The following ABCB10 variants were observed in gnomAD, a reference collection of about 807,000 sequenced individuals.
The protein encoded by ABCB10 is ATP-binding cassette sub-family B member 10, mitochondrial.
In ABCB10, 54 loss-of-function variants were observed where a neutral mutation model predicts 65.4. The ratio of observed to expected loss-of-function variants is 0.83; its 90% CI spans 0.66 to 1.04. The LOEUF is 1.04. ABCB10 is among the 50% of genes least tolerant of loss of function. ABCB10 has a pLI of 0.00. For missense variants in ABCB10, 846 were observed against 976.6 expected (o/e 0.87, Z 1.78); for synonymous variants, 418 against 406.5 (o/e 1.03, Z -0.34).
intron 3 of ABCB10, among the ~76,000 whole-genome samples, chr1:229,545,670 G>A (rs1662949255): frequency 6.6e-6 from 1 of 152,180 alleles, no homozygotes; most frequent in South Asian, 2.1e-4. Flanking sequence ...TACTTTCAAT[G>A]AAAATTTAGC....
rs1259903755 is a variant in ABCB10 at position 229,558,264 on chromosome 1, TC to T, written c.388del (p.Asp130ThrfsTer82). 7.8e-7 allele frequency: 1 copy of T among 1,274,510 alleles called. No homozygotes were observed. Among genetic ancestry groups the T allele is most frequent in the Non-Finnish European group, 9.9e-7 (1 of 1,014,398 alleles). 79.0% of individuals were successfully genotyped at this position (1,274,510 alleles called of 1,614,324 possible). ...CGCCGGCCCGCGCCGCCAGGCCTCG[TC>T]CCCTGCCCAGGCAGCGGCTGCGGGA... ...GGPAAAAWAG[D>X]EAWRRGPAAP... On this transcript the variant is annotated frameshift_variant, in exon 1 of 13. Coordinates refer to ENST00000344517, the MANE Select transcript of ABCB10 (RefSeq NM_012089.3). LOFTEE classifies it high-confidence loss of function.
Position 229,558,328 on chromosome 1 carries a change from C to G in ABCB10, c.325G>C (p.Gly109Arg), listed in dbSNP as rs1663313995. 3 of 1,254,462 alleles carry G rather than the reference C, an allele frequency of 2.4e-6. No homozygotes were observed. Among genetic ancestry groups the G allele is most frequent in the Non-Finnish European group, 3.0e-6 (3 of 990,936 alleles). The allele number at this position is 1,254,462 out of a possible 1,614,324, so 77.7% of individuals were successfully genotyped here. The change falls in exon 1 of 13, where the codon GGC (glycine) becomes CGC (arginine). Residue 109 changes from glycine to arginine, a missense_variant. Around this residue, in one of 2 missense-constraint regions of ABCB10, gnomAD observed 214 missense variants for 173.5 expected, o/e 1.23. Transcript: ENST00000344517. ...SCRCGAFAGP[G>R]APRLPRARFP... ...CGGGCGCGCGGGAGCCGAGGAGCGC[C>G]TGGCCCGGCAAAAGCCCCGCACCTG...
intron 7 of ABCB10, 96 bp downstream of exon 7, chr1:229,531,540 C>T (rs2102690199): frequency 4.8e-6 from 6 of 1,252,116 alleles, no homozygotes; most frequent in Non-Finnish European, 6.9e-6. Flanking sequence ...CTTACTGTGG[C>T]TCATCCCTCA....
chr1:229,517,214 T>C lies in ABCB10; in HGVS notation c.*965A>G, dbSNP rs1662196979. 1 of 152,220 alleles carries C rather than the reference T, an allele frequency of 6.6e-6. No individual in the cohort carries two copies. Among genetic ancestry groups the C allele is most frequent in the Non-Finnish European group, 1.5e-5 (1 of 68,020 alleles). The allele number at this position is 152,220 out of a possible 1,614,324, so 9.4% of individuals were successfully genotyped here. On this transcript the variant is annotated 3_prime_UTR_variant, in exon 13 of 13. Coordinates refer to ENST00000344517, the MANE Select transcript of ABCB10 (RefSeq NM_012089.3). ...ATTCTGAAGTTTTCTTGTTATTCTG[T>C]TGAATAGCAAGGACTTCCAAACTTA...
Position 229,530,269 on chromosome 1 carries a change from C to G in ABCB10, c.1575G>C (p.Leu525=), listed in dbSNP as rs775042889. Residue 525 remains leucine, a synonymous_variant, in exon 8 of 13, where the codon CTG becomes CTC. Transcript: ENST00000344517. ...LSIPSGSVTA[L]VGPSGSGKST... ...ATTTGCCAGAACCACTTGGGCCAAC[C>G]AGTGCCGTGACAGATCCTGACGGAA... 1.2e-6 allele frequency: 2 copies of G among 1,614,044 alleles called. No individual in the cohort carries two copies. Among genetic ancestry groups the G allele is most frequent in the South Asian group, 1.1e-5 (1 of 91,088 alleles).
At chr1:229,534,828 C>T (rs1056675890) in intron 6 of ABCB10, among the ~76,000 whole-genome samples, 9 of 140,926 alleles carry the variant, frequency 6.4e-5, no homozygotes, top group African/African-American at 1.9e-4. Flanking sequence ...GCCAAGACCG[C>T]GCCACTGCAC....
At chr1:229,546,667 T>G (rs1047624539) in intron 3 of ABCB10, among the ~76,000 whole-genome samples, 19 of 151,972 alleles carry the variant, frequency 1.3e-4, no homozygotes, top group African/African-American at 4.6e-4. Flanking sequence ...GGCCAAGAGT[T>G]TGAGACCAGC....
chr1:229,527,947 T>A (rs550233322), intron 8 of ABCB10, among the ~76,000 whole-genome samples: 1 of 152,362 alleles, frequency 6.6e-6, no homozygotes, highest in African/African-American at 2.4e-5. Flanking sequence ...AGGAATCTGT[T>A]GTCTGCAACT....
chr1:229,532,181 A>C (rs1473512689), intron 6 of ABCB10, among the ~76,000 whole-genome samples: 1 of 151,816 alleles, frequency 6.6e-6, no homozygotes, highest in Non-Finnish European at 1.5e-5. Flanking sequence ...CAAACTCCTG[A>C]CCTTAGGTGA....
intron 6 of ABCB10, chr1:229,531,957 T>G (rs1160465468): frequency 5.3e-6 from 2 of 378,578 alleles, no homozygotes; most frequent in Admixed American, 9.0e-5. Flanking sequence ...GTTTTTTTTT[T>G]TTTTTTTTTT....
At chr1:229,544,817 A>G (rs1437810210) in intron 3 of ABCB10, among the ~76,000 whole-genome samples, 12 of 152,230 alleles carry the variant, frequency 7.9e-5, no homozygotes. Flanking sequence ...ACACTAGAGC[A>G]CACTCTCTCT....
In ABCB10 at chr1:229,542,291, T is replaced by G; in HGVS notation, c.1002A>C (p.Arg334=). The change falls in exon 4 of 13, where the codon CGA becomes CGC. Residue 334 remains arginine, a synonymous_variant. Coordinates refer to ENST00000344517, the MANE Select transcript of ABCB10 (RefSeq NM_012089.3). ...PVSIIAVIYG[R]YLRKLTKVTQ... ...TGACTTTGGTCAGTTTCCGTAGATA[T>G]CGCCCATAAATTACAGCAATGATTG... 1 of 1,614,066 alleles carries G rather than the reference T, an allele frequency of 6.2e-7. No individual in the cohort carries two copies. The highest frequency in any genetic ancestry group is 8.5e-7 in the Non-Finnish European group (1 of 1,180,010).
chr1:229,543,470 A>C (rs1009996746), intron 3 of ABCB10, among the ~76,000 whole-genome samples: 4 of 152,226 alleles, frequency 2.6e-5, no homozygotes, highest in African/African-American at 7.2e-5. Context: ...GCTAAATAAT[A>C]CTAAGGAAAA....
At chr1:229,540,571 T>G (rs763763170) in intron 5 of ABCB10, 35 bp downstream of exon 5, 5 of 1,577,538 alleles carry the variant, frequency 3.2e-6, no homozygotes, top group Non-Finnish European at 8.6e-7. Flanking sequence ...TTCTAACATT[T>G]GCCAATTTTA....
rs1354033033 is a variant in ABCB10, at chr1:229,548,340, A to C, written c.719-639T>G. ...AAGGTATTATTTACAAAGAAGTTTTATTACATTAACTTCCAAAAGCTCATT... is the reference window on the plus strand; with the variant it reads ...AAGGTATTATTTACAAAGAAGTTTTCTTACATTAACTTCCAAAAGCTCATT... On this transcript the variant is annotated intron_variant, in intron 2 of 12. Transcript: ENST00000344517. 2.6e-5 allele frequency among the ~76,000 whole-genome samples: 4 copies of C among 152,160 alleles called. No individual in the cohort carries two copies. In the East Asian group the frequency reaches 7.7e-4, roughly 29 times the overall value.
intron 8 of ABCB10, among the ~76,000 whole-genome samples, chr1:229,529,295 C>T (rs1167595146): frequency 4.3e-5 from 1 of 23,120 alleles, no homozygotes; most frequent in Non-Finnish European, 7.4e-5. Flanking sequence ...GACTCCGTCT[C>T]AAAAAAAAAA....
At position 229,517,177 on chromosome 1, in the gene ABCB10, G is replaced by A. The variant is rs1662196279; in HGVS notation, c.*1002C>T. ...AGGGCTTATTAATATCTTCTTTTCA[G>A]GAGAGTGATACATTCTGAAGTTTTC... On this transcript the variant is annotated 3_prime_UTR_variant, in exon 13 of 13. Coordinates refer to ENST00000344517, the MANE Select transcript of ABCB10 (RefSeq NM_012089.3). 1 of 152,132 alleles carries A rather than the reference G, an allele frequency of 6.6e-6. No individual in the cohort carries two copies. Among genetic ancestry groups the A allele is most frequent in the Non-Finnish European group, 1.5e-5 (1 of 68,018 alleles). 9.4% of individuals were successfully genotyped at this position (152,132 alleles called of 1,614,324 possible).
At chr1:229,532,302 A>T (rs1662605685) in intron 6 of ABCB10, among the ~76,000 whole-genome samples, 3 of 152,152 alleles carry the variant, frequency 2.0e-5, no homozygotes, top group Admixed American at 2.0e-4. Flanking sequence ...GGATTGAAAA[A>T]CATATATAGT....
chr1:229,527,284 T>G lies in ABCB10; in HGVS notation c.1670A>C (p.Asp557Ala), dbSNP rs1662467581. The change falls in exon 9 of 13, where the codon GAC becomes GCC. Residue 557 changes from aspartate (D) to alanine (A), a missense_variant. By Grantham distance (126) the Asp-to-Ala change is moderately radical. Around this residue, in one of 2 missense-constraint regions of ABCB10, gnomAD observed 632 missense variants for 803.2 expected, o/e 0.79. Transcript: ENST00000344517. ...ASGTISLDGHDIRQLNPVWLR... is the reference protein window; with the variant it reads ...ASGTISLDGHAIRQLNPVWLR... ...CCACACTGGGTTTAGCTGACGGATG[T>G]CATGGCCATCAAGACTAATAGTTCC... is the stretch of plus-strand genomic sequence containing the variant. 1 of 1,611,794 alleles carries G rather than the reference T, an allele frequency of 6.2e-7. No individual in the cohort carries two copies. The highest frequency in any genetic ancestry group is 8.5e-7 in the Non-Finnish European group (1 of 1,179,570).
Sources: allele counts gnomAD v4.1 joint callset (sites outside exome capture counted in the v4.1 genomes callset), GRCh38; gene constraint gnomAD v4.1.1; regional missense constraint gnomAD v4.1.1; transcripts MANE v1.5; gene names NCBI Gene and HGNC (gene_info 2026-07-23, HGNC 2026-07-21).